CLYBL: variants seen among roughly 807,000 people sequenced by gnomAD.
CLYBL encodes citramalyl-CoA lyase, also known as citramalyl-CoA lyase, mitochondrial.
Under a neutral mutation model 38.9 loss-of-function variants are expected in CLYBL, and 31 were observed. That is an observed-to-expected ratio of 0.80 (90% CI 0.60 to 1.08). The LOEUF is 1.08. CLYBL is among the 50% of genes least tolerant of loss of function. CLYBL has a pLI of 0.00. For synonymous variants in CLYBL, 171 were observed against 158.6 expected (o/e 1.08, Z -0.59); for missense variants, 434 against 411.6 (o/e 1.05, Z -0.47).
chr13:99,757,388 C>T (rs72653932), intron 1 of CLYBL, among the ~76,000 whole-genome samples: 314 of 152,244 alleles, frequency 2.1e-3, no homozygotes, highest in Admixed American at 3.9e-3. Flanking sequence ...TATTGGCATT[C>T]GCTAGTGCAG....
chr13:99,838,131 T>C (rs1371932883), intron 2 of CLYBL, among the ~76,000 whole-genome samples: 3 of 152,184 alleles, frequency 2.0e-5, no homozygotes, highest in Non-Finnish European at 4.4e-5. Context: ...AGGTAAATAT[T>C]AAGTTTCAGC....
intron 1 of CLYBL, among the ~76,000 whole-genome samples, chr13:99,621,423 C>T (rs187125745): frequency 3.7e-4 from 56 of 152,294 alleles, no homozygotes; most frequent in Middle Eastern, 3.4e-3. Flanking sequence ...CCATCTGTCT[C>T]GTCCCTGAGA....
At chr13:99,663,822 G>A (rs1566602893) in intron 1 of CLYBL, among the ~76,000 whole-genome samples, 1 of 152,162 alleles carries the variant, frequency 6.6e-6, no homozygotes, top group Admixed American at 6.5e-5. Flanking sequence ...CTCTCCTGGA[G>A]CTTATTACGG....
chr13:99,633,931 C>A (rs2139243386), intron 1 of CLYBL, among the ~76,000 whole-genome samples: 1 of 151,942 alleles, frequency 6.6e-6, no homozygotes, highest in African/African-American at 2.4e-5. Context: ...AGTTGGAGTT[C>A]CAGAAGCAAA....
chr13:99,883,979 T>A (rs2052282327), intron 7 of CLYBL, among the ~76,000 whole-genome samples: 1 of 152,126 alleles, frequency 6.6e-6, no homozygotes, highest in African/African-American at 2.4e-5. Flanking sequence ...TTTGCATGAG[T>A]TAACTTGAGC....
chr13:99,692,650 G>A (rs1180983303), intron 1 of CLYBL, among the ~76,000 whole-genome samples: 2 of 152,114 alleles, frequency 1.3e-5, no homozygotes, highest in African/African-American at 4.8e-5. Flanking sequence ...TCACAAAGTT[G>A]TGTAATGATC....
At chr13:99,632,423 G>A (rs2046958735) in intron 1 of CLYBL, among the ~76,000 whole-genome samples, 2 of 152,168 alleles carry the variant, frequency 1.3e-5, no homozygotes, top group African/African-American at 2.4e-5. Flanking sequence ...ATAACATATC[G>A]ATCATCATGT....
intron 1 of CLYBL, among the ~76,000 whole-genome samples, chr13:99,700,217 C>T (rs2048043502): frequency 6.6e-6 from 1 of 151,972 alleles, no homozygotes; most frequent in Admixed American, 6.5e-5. Context: ...CTTTGGGAGG[C>T]CGAGGCATGC....
intron 2 of CLYBL, among the ~76,000 whole-genome samples, chr13:99,817,308 AG>A (rs1384126294): frequency 6.6e-6 from 1 of 152,128 alleles, no homozygotes; most frequent in African/African-American, 2.4e-5. Flanking sequence ...AGGAGACGAA[AG>A]GAGAGGGGAG....
At chr13:99,687,798 A>G (rs1280016854) in intron 1 of CLYBL, among the ~76,000 whole-genome samples, 1 of 152,186 alleles carries the variant, frequency 6.6e-6, no homozygotes. Flanking sequence ...ATGTGAGAAT[A>G]TGTCTGACAT....
At position 99,849,197 on chromosome 13, in the gene CLYBL, G is replaced by A. The variant is rs59112338; in HGVS notation, c.250-9664G>A. 9.8e-3 allele frequency among the ~76,000 whole-genome samples: 1,486 copies of A among 152,074 alleles called. 24 individuals are homozygous for A. Among genetic ancestry groups the A allele is most frequent in the African/African-American group, 0.033 (1,374 of 41,476 alleles). On this transcript the variant is annotated intron_variant, in intron 2 of 8. Coordinates refer to ENST00000339105, the MANE Select transcript of CLYBL (RefSeq NM_206808.5). This position sits in a 1 kb window ranked among gnomAD's most constrained non-coding sequence, Gnocchi z 4.9. ...GAAAGACAGTGTAAGCTTGTGGTACGTAAATACTCTGTCTTTTTTAAAAGT... is the reference window on the plus strand; with the variant it reads ...GAAAGACAGTGTAAGCTTGTGGTACATAAATACTCTGTCTTTTTTAAAAGT...
At chr13:99,857,980 A>G (rs1310847456) in intron 2 of CLYBL, among the ~76,000 whole-genome samples, 1 of 152,162 alleles carries the variant, frequency 6.6e-6, no homozygotes, top group African/African-American at 2.4e-5. Flanking sequence ...TGAAACTGAA[A>G]TTGGCAGGAA....
At chr13:99,847,925 G>A (rs2051244810) in intron 2 of CLYBL, among the ~76,000 whole-genome samples, 1 of 152,178 alleles carries the variant, frequency 6.6e-6, no homozygotes, top group Non-Finnish European at 1.5e-5. Context: ...CAAGCCCTGG[G>A]CTGCCCCTGC....
intron 1 of CLYBL, among the ~76,000 whole-genome samples, chr13:99,713,529 G>A (rs570326856): frequency 2.1e-4 from 32 of 151,548 alleles, no homozygotes; most frequent in Admixed American, 4.6e-4. Context: ...TAGTAGAGAC[G>A]GGGTTTCACC....
intron 2 of CLYBL, among the ~76,000 whole-genome samples, chr13:99,823,337 T>C (rs960370901): frequency 1.3e-5 from 2 of 152,146 alleles, no homozygotes; most frequent in African/African-American, 2.4e-5. Flanking sequence ...GCTGAGACTA[T>C]AGGTGCAAAA....
intron 2 of CLYBL, among the ~76,000 whole-genome samples, chr13:99,804,779 A>G (rs1256147943): frequency 6.6e-6 from 1 of 152,210 alleles, no homozygotes; most frequent in Non-Finnish European, 1.5e-5. Context: ...CAGAACATAC[A>G]TTTTACCATT....
intron 3 of CLYBL, among the ~76,000 whole-genome samples, chr13:99,862,446 A>C (rs1227815950): frequency 5.3e-5 from 8 of 151,158 alleles, no homozygotes; most frequent in Admixed American, 5.3e-4. Context: ...GTCTTCAAAG[A>C]ATTAAACTTC....
At chr13:99,704,296 G>A (rs961993599) in intron 1 of CLYBL, among the ~76,000 whole-genome samples, 14 of 152,178 alleles carry the variant, frequency 9.2e-5, no homozygotes, top group African/African-American at 3.4e-4. Flanking sequence ...TGGAAGTCCA[G>A]TGACCCAGAT....
intron 1 of CLYBL, among the ~76,000 whole-genome samples, chr13:99,676,174 T>C (rs1368556550): frequency 6.8e-5 from 9 of 132,908 alleles, no homozygotes; most frequent in Middle Eastern, 4.1e-3. Flanking sequence ...GCTTCCTTCC[T>C]TCCCTCCGTC....
Sources: allele counts gnomAD v4.1 joint callset (sites outside exome capture counted in the v4.1 genomes callset), GRCh38; gene constraint gnomAD v4.1.1; non-coding constraint Gnocchi (gnomAD v3.1); transcripts MANE v1.5; gene names NCBI Gene and HGNC (gene_info 2026-07-23, HGNC 2026-07-21).